BMAL1: variants seen among roughly 807,000 people sequenced by gnomAD.
BMAL1 encodes the protein basic helix-loop-helix ARNT like 1, also known as basic helix-loop-helix ARNT-like protein 1.
chr11:13,341,887 G>A, the BMAL1 span, among the ~76,000 whole-genome samples: 1 of 152,234 alleles, frequency 6.6e-6, no homozygotes, highest in African/African-American at 2.4e-5. Context: ...TGCCCTCTTT[G>A]AATGCAGGGG....
At chr11:13,339,430 T>TACGCACAC in the BMAL1 span, among the ~76,000 whole-genome samples, 1 of 144,190 alleles carries the variant, frequency 6.9e-6, no homozygotes, top group South Asian at 2.2e-4. Flanking sequence ...GCCCTGCTTT[T>TACGCACAC]ACACACACAC....
the BMAL1 span, chr11:13,378,387 C>T: frequency 6.2e-6 from 10 of 1,613,026 alleles, no homozygotes; most frequent in Non-Finnish European, 8.5e-6. Context: ...AGGGGGAACC[C>T]GGGCTGGGGC....
the BMAL1 span, among the ~76,000 whole-genome samples, chr11:13,309,661 A>T: frequency 6.6e-6 from 1 of 152,018 alleles, no homozygotes; most frequent in South Asian, 2.1e-4. Flanking sequence ...GGGGTATGGG[A>T]CGGGGTGAAT....
the BMAL1 span, chr11:13,385,927 T>C: frequency 4.2e-6 from 3 of 709,098 alleles, no homozygotes; most frequent in Non-Finnish European, 6.7e-6. Flanking sequence ...AAGTTTAAAA[T>C]TTGTTTAAAT....
the BMAL1 span, among the ~76,000 whole-genome samples, chr11:13,357,441 TG>T: frequency 6.6e-6 from 1 of 152,254 alleles, no homozygotes; most frequent in African/African-American, 2.4e-5. The surrounding 1 kb of genome is among the most constrained non-coding windows in gnomAD (Gnocchi z 4.8). Context: ...ATTTGGTTCC[TG>T]GGCTGGGACT....
chr11:13,359,682 C>G, the BMAL1 span, among the ~76,000 whole-genome samples: 1 of 152,144 alleles, frequency 6.6e-6, no homozygotes, highest in Admixed American at 6.5e-5. Flanking sequence ...ATTCTACAGA[C>G]TCCAAATCAT....
At chr11:13,314,276 G>GTC in the BMAL1 span, among the ~76,000 whole-genome samples, 16 of 109,806 alleles carry the variant, frequency 1.5e-4, no homozygotes, top group South Asian at 1.0e-3. Context: ...CACACACTCT[G>GTC]TCTCTCTCTC....
chr11:13,278,063 C>T, the BMAL1 span: 35 of 152,172 alleles, frequency 2.3e-4, no homozygotes, highest in African/African-American at 8.4e-4. Flanking sequence ...GACGTGCCCG[C>T]TGCCGGCCTT....
At chr11:13,302,787 T>A in the BMAL1 span, among the ~76,000 whole-genome samples, 4 of 152,210 alleles carry the variant, frequency 2.6e-5, no homozygotes, top group African/African-American at 9.7e-5. Context: ...TGCCCCCACT[T>A]GGCAGGTTCC....
chr11:13,352,071 G>A, the BMAL1 span, among the ~76,000 whole-genome samples: 2 of 152,102 alleles, frequency 1.3e-5, no homozygotes, highest in Admixed American at 6.5e-5. Flanking sequence ...TGGTGGTCTC[G>A]AGGAGGTGGG....
the BMAL1 span, chr11:13,385,608 C>T: frequency 3.4e-5 from 34 of 997,382 alleles, 1 homozygote; most frequent in Admixed American, 6.8e-4. Flanking sequence ...CTTCTCCCCA[C>T]CCCACCCCAT....
the BMAL1 span, among the ~76,000 whole-genome samples, chr11:13,334,162 C>T: frequency 9.2e-5 from 14 of 152,040 alleles, no homozygotes; most frequent in East Asian, 1.9e-4. Context: ...CATCTTGTCC[C>T]GAGCCATGCA....
chr11:13,337,142 T>C, the BMAL1 span, among the ~76,000 whole-genome samples: 1 of 152,244 alleles, frequency 6.6e-6, no homozygotes, highest in African/African-American at 2.4e-5. Flanking sequence ...CAGTCCTTTC[T>C]GTGTTTATGA....
the BMAL1 span, among the ~76,000 whole-genome samples, chr11:13,298,176 A>G: frequency 2.0e-5 from 3 of 152,170 alleles, no homozygotes; most frequent in African/African-American, 7.2e-5. Flanking sequence ...CAACTTATGC[A>G]TTGCACAACT....
chr11:13,325,284 G>C, the BMAL1 span, among the ~76,000 whole-genome samples: 3 of 152,162 alleles, frequency 2.0e-5, no homozygotes, highest in Non-Finnish European at 4.4e-5. Context: ...TAAGAGAATA[G>C]TCAAGATGGT....
chr11:13,325,657 T>TTGTGTGTGTGTGTGTGTGTGTGTGTG, the BMAL1 span, among the ~76,000 whole-genome samples: 3 of 134,346 alleles, frequency 2.2e-5, no homozygotes, highest in African/African-American at 8.6e-5. Context: ...TTGAGACCTT[T>TTGTGTGTGTGTGTGTGTGTGTGTGTG]TGTGTGTGTG....
chr11:13,293,980 A>G, the BMAL1 span, among the ~76,000 whole-genome samples: 1 of 152,262 alleles, frequency 6.6e-6, no homozygotes, highest in Non-Finnish European at 1.5e-5. Flanking sequence ...TCAAAACAAT[A>G]TGTATTAATA....
chr11:13,364,807 A>C, the BMAL1 span, among the ~76,000 whole-genome samples: 2 of 152,060 alleles, frequency 1.3e-5, no homozygotes, highest in African/African-American at 4.8e-5. Context: ...GGTAAGAAGA[A>C]TCTAAGCGGG....
chr11:13,306,600 AGT>A, the BMAL1 span, among the ~76,000 whole-genome samples: 2 of 152,066 alleles, frequency 1.3e-5, no homozygotes, highest in Non-Finnish European at 2.9e-5. Context: ...AAATCCAGGG[AGT>A]GTGCATTCTG....
Sources: allele counts gnomAD v4.1 joint callset (sites outside exome capture counted in the v4.1 genomes callset), GRCh38; gene constraint gnomAD v4.1.1; non-coding constraint Gnocchi (gnomAD v3.1); transcripts MANE v1.5; gene names NCBI Gene and HGNC (gene_info 2026-07-23, HGNC 2026-07-21).